Variants in RUNX2 observed in about 807,000 individuals in gnomAD.
RUNX2 encodes the protein RUNX family transcription factor 2, also known as runt-related transcription factor 2.
In RUNX2, 10 loss-of-function variants were observed where a neutral mutation model predicts 51.7. The ratio of observed to expected loss-of-function variants is 0.19; its 90% confidence interval spans 0.12 to 0.33. The LOEUF (loss-of-function observed/expected upper bound fraction) is 0.33, where lower values mean the gene tolerates loss of function less well. Among genes scored for constraint, RUNX2 ranks in the 10% least tolerant of loss-of-function variants. The pLI, the probability that RUNX2 is intolerant of heterozygous loss-of-function variation, is 1.00. For missense variants in RUNX2, 562 were observed against 691.3 expected (o/e 0.81, Z 2.10); for synonymous variants, 276 against 273.6 (o/e 1.01, Z -0.09).
intron 5 of RUNX2, among the ~76,000 whole-genome samples, chr6:45,477,558 C>T (rs1019518907): frequency 6.6e-6 from 1 of 152,144 alleles, no homozygotes; most frequent in Non-Finnish European, 1.5e-5. Context: ...GTGACCAAAC[C>T]AGAAACCTGA....
In RUNX2 at chr6:45,422,677, C is replaced by CGCAACAGCAGCAGCAACAGCAGCAGCA. The variant is rs747537373; in HGVS notation, c.159_185dup (p.Gln63_Gln71dup). Reference sequence around the variant, plus strand: ...AGCGACGTGAGCCCGGTGGTGGCTGCGCAACAGCAGCAGCAACAGCAGCAG... The same window carrying CGCAACAGCAGCAGCAACAGCAGCAGCA: ...AGCGACGTGAGCCCGGTGGTGGCTGCGCAACAGCAGCAGCAACAGCAGCAGCAGCAACAGCAGCAGCAACAGCAGCAG... On this transcript the variant is annotated inframe_insertion, in exon 3 of 9. Coordinates refer to ENST00000647337, the MANE Select transcript of RUNX2 (RefSeq NM_001024630.4). The CGCAACAGCAGCAGCAACAGCAGCAGCA allele has an allele frequency of 1.2e-5, 20 of 1,605,370 alleles. No individual in the cohort carries two copies. In the African/African-American group the frequency reaches 2.0e-4, roughly 16 times the overall value.
chr6:45,483,960 C>A (rs1800191848), intron 5 of RUNX2, among the ~76,000 whole-genome samples: 1 of 152,136 alleles, frequency 6.6e-6, no homozygotes, highest in South Asian at 2.1e-4. Flanking sequence ...ATTTGCTGGG[C>A]TCAGGGGGCT....
intron 2 of RUNX2, among the ~76,000 whole-genome samples, chr6:45,344,173 TTAG>T (rs1392327557): frequency 5.3e-5 from 8 of 152,192 alleles, no homozygotes; most frequent in Non-Finnish European, 1.0e-4. Context: ...CACTAAATAC[TTAG>T]TAGTATACAA....
rs73735394 is a variant in RUNX2, at chr6:45,367,673, A to T, written c.58+38889A>T. Among the ~76,000 whole-genome samples, 1,096 of 152,274 alleles carry T rather than the reference A, an allele frequency of 7.2e-3. 19 individuals carry two copies. The highest frequency in any genetic ancestry group is 0.025 in the African/African-American group (1,044 of 41,560). On this transcript the variant is annotated intron_variant, in intron 2 of 8. Coordinates refer to ENST00000647337, the MANE Select transcript of RUNX2 (RefSeq NM_001024630.4). The stretch of plus-strand genomic sequence containing the variant: ...TAAGTAGTAACCCCAGCCTCCAGAA[A>T]GTTATGATTTGAGTTGACTTGTCTG...
rs900742661 is a variant in RUNX2 at position 45,384,780 on chromosome 6, C to G, written c.59-37813C>G. 7.9e-5 allele frequency among the ~76,000 whole-genome samples: 10 copies of G among 126,402 alleles called. No homozygotes were observed. In the Admixed American group the frequency reaches 9.5e-4, roughly 12 times the overall value. The allele number at this position is 126,402 out of a possible 152,430, so 82.9% of individuals were successfully genotyped here. ...TCTCCCAGACTGGAGTGCAGTGGCA[C>G]AATCATAGCTCACTGTAACTTCAAA... On this transcript the variant is annotated intron_variant, in intron 2 of 8. Coordinates refer to ENST00000647337, the MANE Select transcript of RUNX2 (RefSeq NM_001024630.4).
chr6:45,511,379 ACTT>A (rs1460474214), intron 6 of RUNX2, among the ~76,000 whole-genome samples: 1 of 152,150 alleles, frequency 6.6e-6, no homozygotes, highest in African/African-American at 2.4e-5. Flanking sequence ...CAGACATGTG[ACTT>A]CTTCTAAACA....
chr6:45,518,739 A>T (rs1376563694), intron 7 of RUNX2, among the ~76,000 whole-genome samples: 1 of 152,216 alleles, frequency 6.6e-6, no homozygotes, highest in South Asian at 2.1e-4. Context: ...AATGAAAGGA[A>T]TCATGCTTTT....
At chr6:45,373,564 G>GT (rs1206991270) in intron 2 of RUNX2, among the ~76,000 whole-genome samples, 1 of 151,522 alleles carries the variant, frequency 6.6e-6, no homozygotes, top group African/African-American at 2.4e-5. Flanking sequence ...TGTGTGTGTG[G>GT]TTTTTGAGAC....
At chr6:45,384,855 C>A (rs1303377336) in intron 2 of RUNX2, among the ~76,000 whole-genome samples, 1 of 151,520 alleles carries the variant, frequency 6.6e-6, no homozygotes, top group Non-Finnish European at 1.5e-5. Flanking sequence ...TGCACACCAC[C>A]ATACCCTGTT....
At chr6:45,399,819 TAAGG>T (rs201636835) in intron 2 of RUNX2, among the ~76,000 whole-genome samples, 4,490 of 71,812 alleles carry the variant, frequency 0.063, 187 homozygotes, top group African/African-American at 0.18. Flanking sequence ...GGGAGGGAAG[TAAGG>T]AAGGAAGGAA....
intron 2 of RUNX2, among the ~76,000 whole-genome samples, chr6:45,386,560 C>A (rs912509411): frequency 6.6e-6 from 1 of 152,172 alleles, no homozygotes; most frequent in Non-Finnish European, 1.5e-5. Flanking sequence ...CAGTTGTCTT[C>A]AAGGTCTTGT....
At chr6:45,396,138 T>C (rs1350811688) in intron 2 of RUNX2, among the ~76,000 whole-genome samples, 1 of 152,194 alleles carries the variant, frequency 6.6e-6, no homozygotes, top group East Asian at 1.9e-4. Flanking sequence ...TACCATAATA[T>C]GCATCTGTCA....
intron 4 of RUNX2, 49 bp downstream of exon 4, chr6:45,432,068 C>T: frequency 1.3e-6 from 2 of 1,561,954 alleles, no homozygotes; most frequent in Non-Finnish European, 1.8e-6. Flanking sequence ...ACATTAGGCT[C>T]CTTTGATGAA....
chr6:45,424,124 G>A (rs965468963), intron 3 of RUNX2, among the ~76,000 whole-genome samples: 2 of 152,238 alleles, frequency 1.3e-5, no homozygotes, highest in African/African-American at 4.8e-5. Flanking sequence ...GCGCCCCGCA[G>A]ACTCTTGTGC....
intron 2 of RUNX2, among the ~76,000 whole-genome samples, chr6:45,369,683 C>A (rs912982069): frequency 2.0e-5 from 3 of 152,102 alleles, no homozygotes; most frequent in Non-Finnish European, 4.4e-5. Context: ...TAAGTATTTA[C>A]GGGGCACCTA....
At chr6:45,527,164 G>A (rs1330556500) in intron 7 of RUNX2, among the ~76,000 whole-genome samples, 9 of 152,160 alleles carry the variant, frequency 5.9e-5, no homozygotes, top group Non-Finnish European at 1.2e-4. Context: ...GCCCAGAGGT[G>A]GGAAGACTGT....
rs753332305 is a variant in RUNX2, at chr6:45,422,658, G to A, written c.124G>A (p.Val42Met). The change falls in exon 3 of 9, where the codon GTG becomes ATG. Residue 42 changes from valine (V) to methionine (M), a missense_variant. By Grantham distance (21) the Val-to-Met change is conservative (BLOSUM62 1). Transcript: ENST00000647337. ...SSLQPGKMSD[V>M]SPVVAAQQQQ... ...CCTGCAGCCCGGCAAAATGAGCGAC[G>A]TGAGCCCGGTGGTGGCTGCGCAACA... 1.2e-6 allele frequency: 2 copies of A among 1,607,358 alleles called. No individual in the cohort carries two copies. The highest frequency in any genetic ancestry group is 1.7e-6 in the Non-Finnish European group (2 of 1,177,686).
intron 2 of RUNX2, chr6:45,377,493 C>T (rs2150336741): frequency 6.6e-6 from 1 of 152,368 alleles, no homozygotes; most frequent in African/African-American, 2.4e-5. Flanking sequence ...CCCCCCTCAC[C>T]CCACGCCCAC....
chr6:45,519,790 ATGTGT>A (rs1801443145), intron 7 of RUNX2, among the ~76,000 whole-genome samples: 1 of 124,086 alleles, frequency 8.1e-6, no homozygotes, highest in Non-Finnish European at 1.7e-5. Context: ...ATATATATAT[ATGTGT>A]GTGTGTGTGT....
Sources: gnomAD v4.1 joint callset for allele counts (sites outside exome capture counted in the v4.1 genomes callset) on GRCh38, gnomAD v4.1.1 for gene constraint, MANE v1.5 for transcripts, NCBI Gene and HGNC (gene_info 2026-07-23, HGNC 2026-07-21) for gene names.